Variants in METTL6 observed in about 807,000 individuals in gnomAD.
The protein encoded by METTL6 is methyltransferase 6, tRNA N3-cytidine, also known as tRNA N(3)-cytidine methyltransferase METTL6.
METTL6 carries 22 observed loss-of-function variants against 26.4 expected under a neutral mutation model. The ratio of observed to expected loss-of-function variants is 0.83; its 90% confidence interval spans 0.59 to 1.19. METTL6 has a LOEUF of 1.19. METTL6 is among the 50% of genes most tolerant of loss of function. METTL6 has a pLI of 0.00. For missense variants in METTL6, 304 were observed against 324.8 expected (o/e 0.94, Z 0.49); for synonymous variants, 109 against 116.2 (o/e 0.94, Z 0.40).
intron 6 of METTL6, among the ~76,000 whole-genome samples, chr3:15,401,460 C>A (rs1390974738): frequency 6.8e-6 from 1 of 146,622 alleles, no homozygotes; most frequent in East Asian, 2.0e-4. Context: ...AGGCATGAGC[C>A]ATTGTGTCTG....
At chr3:15,420,665 A>G (rs2061590540) in intron 3 of METTL6, among the ~76,000 whole-genome samples, 1 of 152,184 alleles carries the variant, frequency 6.6e-6, no homozygotes, top group African/African-American at 2.4e-5. Context: ...TGAAGGACAA[A>G]TGAGCCCTAA....
intron 4 of METTL6, 191 bp from the exon 5 acceptor site, chr3:15,414,353 A>T: frequency 7.8e-7 from 1 of 1,277,614 alleles, no homozygotes; most frequent in South Asian, 2.0e-5. Flanking sequence ...ACACTAAGAC[A>T]CTTCTTTTTT....
At chr3:15,424,399 T>C (rs1170932069) in intron 3 of METTL6, among the ~76,000 whole-genome samples, 1 of 152,178 alleles carries the variant, frequency 6.6e-6, no homozygotes, top group East Asian at 1.9e-4. Context: ...CCCAATTAGC[T>C]GGGATTACAG....
At chr3:15,413,943 A>C (rs776936426) in intron 5 of METTL6, 78 bp downstream of exon 5, 1 of 1,603,568 alleles carries the variant, frequency 6.2e-7, no homozygotes, top group South Asian at 1.1e-5. Context: ...TTCTCCAAGC[A>C]GCCTTGCAGT....
chr3:15,401,292 G>A, intron 6 of METTL6, among the ~76,000 whole-genome samples: 1 of 151,896 alleles, frequency 6.6e-6, no homozygotes, highest in South Asian at 2.1e-4. Flanking sequence ...GCCCGCCTCG[G>A]CCTCCCAAAG....
exon 7 of METTL6, chr3:15,384,138 C>T: frequency 2.5e-6 from 1 of 405,984 alleles, no homozygotes; most frequent in Non-Finnish European, 4.8e-6. Flanking sequence ...TACAAAAGCA[C>T]AGCCAGATAT....
At chr3:15,383,673 T>C (rs1161858721) in exon 7 of METTL6, 1 of 152,270 alleles carries the variant, frequency 6.6e-6, no homozygotes, top group Non-Finnish European at 1.5e-5. Context: ...ATCATATTTA[T>C]CCCATATATA....
chr3:15,384,190 GA>G, intron 6 of METTL6: 1 of 363,890 alleles, frequency 2.7e-6, no homozygotes, highest in Non-Finnish European at 5.2e-6. Flanking sequence ...TTTGAGACCT[GA>G]AAAAGAAACA....
downstream of METTL6, among the ~76,000 whole-genome samples, chr3:15,406,243 GT>G (rs1454269627): frequency 1.3e-5 from 2 of 151,958 alleles, no homozygotes; most frequent in African/African-American, 2.4e-5. Flanking sequence ...ATTCCACACA[GT>G]TTGCTACTAA....
At chr3:15,384,259 G>C in intron 6 of METTL6, 1 of 297,062 alleles carries the variant, frequency 3.4e-6, no homozygotes, top group Non-Finnish European at 6.5e-6. Context: ...TGAAGCCCAT[G>C]TTGACAACTC....
At chr3:15,396,298 T>C (rs1699485898) in intron 6 of METTL6, among the ~76,000 whole-genome samples, 1 of 152,238 alleles carries the variant, frequency 6.6e-6, no homozygotes, top group Admixed American at 6.5e-5. Flanking sequence ...CTGAGGCTTG[T>C]GCATTTGTCA....
At chr3:15,393,159 C>T (rs1699394316) in intron 6 of METTL6, among the ~76,000 whole-genome samples, 1 of 152,164 alleles carries the variant, frequency 6.6e-6, no homozygotes, top group South Asian at 2.1e-4. Flanking sequence ...TGTTTGTATC[C>T]TCTTCTATTA....
intron 6 of METTL6, among the ~76,000 whole-genome samples, chr3:15,394,907 G>T (rs575396235): frequency 6.6e-6 from 1 of 152,342 alleles, no homozygotes; most frequent in Admixed American, 6.5e-5. Context: ...GCTGAGGAGT[G>T]CTTTACTTCC....
intron 4 of METTL6, chr3:15,415,444 A>G: frequency 6.6e-7 from 1 of 1,515,076 alleles, no homozygotes; most frequent in Non-Finnish European, 8.9e-7. Flanking sequence ...GGCATGAAAC[A>G]CCACACCTGG....
At chr3:15,397,013 GTC>G (rs1413327016) in intron 6 of METTL6, among the ~76,000 whole-genome samples, 13 of 152,218 alleles carry the variant, frequency 8.5e-5, no homozygotes, top group Non-Finnish European at 1.6e-4. Flanking sequence ...CTTCAAAGCT[GTC>G]AGACAGGGAC....
chr3:15,395,160 T>G (rs1245764820), intron 6 of METTL6, among the ~76,000 whole-genome samples: 1 of 152,242 alleles, frequency 6.6e-6, no homozygotes, highest in South Asian at 2.1e-4. Flanking sequence ...CTCTAAGGAC[T>G]TGCTTTATGC....
chr3:15,425,181 G>A (rs1163792480), intron 2 of METTL6, 92 bp from the exon 3 acceptor site: 4 of 1,361,652 alleles, frequency 2.9e-6, no homozygotes, highest in Admixed American at 2.1e-5. Context: ...AGAGGTCTCC[G>A]ACCCCATGGA....
At chr3:15,416,339 C>G in intron 3 of METTL6, among the ~76,000 whole-genome samples, 1 of 152,198 alleles carries the variant, frequency 6.6e-6, no homozygotes, top group East Asian at 1.9e-4. Flanking sequence ...CAGCCTTCAC[C>G]TCCTGAGCCC....
intron 4 of METTL6, 49 bp from the exon 5 acceptor site, chr3:15,414,211 A>T: frequency 6.4e-7 from 1 of 1,567,566 alleles, no homozygotes; most frequent in East Asian, 2.2e-5. Context: ...CCCTGTCAAA[A>T]TAAAACCTGA....
Sources: gnomAD v4.1 joint callset for allele counts (sites outside exome capture counted in the v4.1 genomes callset) on GRCh38, gnomAD v4.1.1 for gene constraint, MANE v1.5 for transcripts, NCBI Gene and HGNC (gene_info 2026-07-23, HGNC 2026-07-21) for gene names.